GGT7: variants seen among roughly 807,000 people sequenced by gnomAD.
The protein encoded by GGT7 is gamma-glutamyltransferase 7.
GGT7 carries 30 observed loss-of-function variants against 69.2 expected under a neutral mutation model. The observed-to-expected ratio is 0.43, with a 90% CI of 0.32 to 0.59. GGT7 has a LOEUF of 0.59. Ranked by LOEUF, GGT7 falls within the 20% of genes least tolerant of loss-of-function variation. The pLI, the probability that GGT7 is intolerant of heterozygous loss-of-function variation, is 0.05. For synonymous variants in GGT7, 388 were observed against 391.8 expected, an observed-to-expected ratio of 0.99 and a Z score of 0.12; for missense variants, 733 against 901.1, an observed-to-expected ratio of 0.81 and a Z score of 2.39.
Position 34,863,294 on chromosome 20 carries a change from C to T in GGT7, c.405+19G>A. 1 of 1,554,048 alleles carries T rather than the reference C, an allele frequency of 6.4e-7. No homozygotes were observed. The highest frequency in any genetic ancestry group is 8.9e-7 in the Non-Finnish European group (1 of 1,128,706). ...CCCCACTCCCCAGTTTCCTCCCCCT[C>T]CCCATTTGTCCCCCTCACCTGGGGG... On this transcript the variant is annotated intron_variant, in intron 2 of 14. Transcript: ENST00000336431. The surrounding 1 kb of genome is among the most constrained non-coding windows in gnomAD (Gnocchi z 4.4).
chr20:34,862,327 C>G (rs2079610540), intron 3 of GGT7, among the ~76,000 whole-genome samples: 1 of 152,098 alleles, frequency 6.6e-6, no homozygotes, highest in Non-Finnish European at 1.5e-5. Flanking sequence ...TTAACAAAAG[C>G]AAACAAAATT....
At position 34,845,264 on chromosome 20, in the gene GGT7, GAGA is replaced by G. The variant is rs2079283342; in HGVS notation, c.*61_*63del. ...GGGGTCCCCCTGAGACCAAACCTGG[GAGA>G]AGGAGGGACTCTGGGAACATGCAAA... On this transcript the variant is annotated 3_prime_UTR_variant, in exon 15 of 15. Transcript: ENST00000336431. The G allele has an allele frequency of 6.7e-7, 1 of 1,495,068 alleles. No homozygotes were observed. The highest frequency in any genetic ancestry group is 1.4e-5 in the African/African-American group (1 of 72,630). The allele number at this position is 1,495,068 out of a possible 1,614,324, so 92.6% of individuals were successfully genotyped here. A position where few individuals can be genotyped will look rare whatever the true frequency, so the allele number is the denominator to read the frequency against.
chr20:34,859,860 G>A (rs2079559153), intron 6 of GGT7, 109 bp downstream of exon 6: 2 of 887,670 alleles, frequency 2.3e-6, no homozygotes, highest in East Asian at 2.6e-5. Context: ...GAGGGGGTCT[G>A]AGGAGCAAAC....
rs573988568 is a variant in GGT7, at chr20:34,860,948, C to A, written c.675+497G>T. ...GGTGGACAAAGGACCTTCATTTAAC[C>A]TATTCAGTTTCACCCCACCATTACT... On this transcript the variant is annotated intron_variant, in intron 4 of 14. Coordinates refer to ENST00000336431, the MANE Select transcript of GGT7 (RefSeq NM_178026.3). Among the ~76,000 whole-genome samples, 21 of 152,308 alleles carry A rather than the reference C, an allele frequency of 1.4e-4. No individual in the cohort carries two copies. In the East Asian group the frequency reaches 4.0e-3, roughly 29 times the overall value.
chr20:34,862,581 G>GT (rs397974222), intron 3 of GGT7, among the ~76,000 whole-genome samples: 152 of 128,362 alleles, frequency 1.2e-3, no homozygotes, highest in African/African-American at 4.7e-3. Context: ...TCTTTTTCTA[G>GT]TTAAAAAAAA....
At position 34,852,496 on chromosome 20, in the gene GGT7, G is replaced by A. The variant is rs202228985; in HGVS notation, c.1362C>T (p.Ser454=). The A allele has an allele frequency of 5.6e-6, 9 of 1,602,904 alleles. No individual in the cohort carries two copies. The African/African-American group carries it at 1.1e-4, about 19-fold the overall frequency. The change falls in exon 11 of 15, where the codon TCC becomes TCT. Residue 454 remains serine (S), a synonymous_variant. Coordinates refer to ENST00000336431, the MANE Select transcript of GGT7 (RefSeq NM_178026.3). ...AAYLRGHIND[S]QAAPAPLLPV... ...GCAGGAGTGGGGCAGGGGCTGCCTG[G>A]GAGTCATTGATATGGCCCCGGAGGT...
chr20:34,845,127 C>G lies in GGT7; in HGVS notation c.*201G>C. The G allele has an allele frequency of 2.3e-6, 1 of 438,484 alleles. No individual in the cohort carries two copies. Among genetic ancestry groups the G allele is most frequent in the Non-Finnish European group, 4.2e-6 (1 of 237,076 alleles). 27.2% of individuals were successfully genotyped at this position (438,484 alleles called of 1,614,324 possible). ...ATGCTGACACTCACCACCACCACCA[C>G]CACCACCACCACCACCACCACCACC... On this transcript the variant is annotated 3_prime_UTR_variant, in exon 15 of 15. Coordinates refer to ENST00000336431, the MANE Select transcript of GGT7 (RefSeq NM_178026.3).
intron 6 of GGT7, 34 bp from the exon 7 acceptor site, chr20:34,859,673 G>A: frequency 6.6e-7 from 1 of 1,520,240 alleles, no homozygotes; most frequent in Non-Finnish European, 8.9e-7. Flanking sequence ...GGCAGGGCGG[G>A]ACGCCAGGAC....
intron 14 of GGT7, among the ~76,000 whole-genome samples, chr20:34,846,406 C>T (rs938689201): frequency 1.3e-4 from 19 of 151,804 alleles, no homozygotes; most frequent in Admixed American, 9.2e-4. Context: ...CAGGTTCAAG[C>T]GATTCTCCTG....
In GGT7 at chr20:34,863,382, C is replaced by T. The variant is rs754384296; in HGVS notation, c.336G>A (p.Thr112=). Residue 112 remains threonine, a synonymous_variant, in exon 2 of 15, where the codon ACG becomes ACA. Transcript: ENST00000336431. The surrounding 1 kb of genome is among the most constrained non-coding windows in gnomAD (Gnocchi z 4.4). Reference sequence around the variant, plus strand: ...CACCGGTAGCGAAGGTGAGACAGGCCGTGACGATGACCGTGAGCCCATCCT... The same window carrying T: ...CACCGGTAGCGAAGGTGAGACAGGCTGTGACGATGACCGTGAGCCCATCCT... ...CRQDGLTVIV[T]ACLTFATGVT... is the part of the protein sequence containing the mutation. 23 of 1,614,044 alleles carry T rather than the reference C, an allele frequency of 1.4e-5. No homozygotes were observed. The highest frequency in any genetic ancestry group is 1.9e-5 in the Non-Finnish European group (23 of 1,180,040).
chr20:34,855,855 G>A (rs142401126), intron 8 of GGT7, among the ~76,000 whole-genome samples: 156 of 143,516 alleles, frequency 1.1e-3, no homozygotes, highest in Non-Finnish European at 1.9e-3. Flanking sequence ...TAGTGCAGTG[G>A]CACAATCATG....
In GGT7 at chr20:34,872,663, C is replaced by T; in HGVS notation, c.153G>A (p.Leu51=). The change falls in exon 1 of 15, where the codon CTG becomes CTA. Residue 51 remains leucine (L), a synonymous_variant. Coordinates refer to ENST00000336431, the MANE Select transcript of GGT7 (RefSeq NM_178026.3). ...LRGRKDEDAF[L]GDPDTDPDSF... is the part of the protein sequence containing the mutation. ...GGGCCTCACCGGTGTCGGGGTCTCCCAGAAAGGCGTCCTCGTCCTTGCGGC... is the reference window on the plus strand; with the variant it reads ...GGGCCTCACCGGTGTCGGGGTCTCCTAGAAAGGCGTCCTCGTCCTTGCGGC... 6.8e-7 allele frequency: 1 copy of T among 1,480,406 alleles called. No individual in the cohort carries two copies. Among genetic ancestry groups the T allele is most frequent in the Non-Finnish European group, 8.9e-7 (1 of 1,120,652 alleles). The allele number at this position is 1,480,406 out of a possible 1,614,324, so 91.7% of individuals were successfully genotyped here.
chr20:34,869,098 A>G (rs1181195352), intron 1 of GGT7, among the ~76,000 whole-genome samples: 1 of 152,120 alleles, frequency 6.6e-6, no homozygotes, highest in Non-Finnish European at 1.5e-5. Context: ...GCTAGAGGCT[A>G]GGGTCATCCC....
At chr20:34,870,945 C>T (rs977358904) in intron 1 of GGT7, among the ~76,000 whole-genome samples, 1 of 151,060 alleles carries the variant, frequency 6.6e-6, no homozygotes, top group African/African-American at 2.4e-5. Context: ...GCACCCACCA[C>T]CATGCCCAGC....
At chr20:34,865,693 GT>G (rs2079679271) in intron 1 of GGT7, among the ~76,000 whole-genome samples, 1 of 152,188 alleles carries the variant, frequency 6.6e-6, no homozygotes, top group Non-Finnish European at 1.5e-5. Context: ...ATTCCATGAG[GT>G]GATGTGCACC....
Position 34,852,437 on chromosome 20 carries a change from GC to G in GGT7, c.1420del (p.Ala474ProfsTer4), listed in dbSNP as rs1568930955. 6.2e-7 allele frequency: 1 copy of G among 1,613,900 alleles called. No homozygotes were observed. The highest frequency in any genetic ancestry group is 2.2e-5 in the East Asian group (1 of 44,888). On this transcript the variant is annotated frameshift_variant, in exon 11 of 15. Transcript: ENST00000336431. LOFTEE classifies it high-confidence loss of function. ...VYELDGAPTA[A>X]QVLIMGPDDF... ...ATCAGGTCCCATGATCAGCACCTGG[GC>G]AGCCGTGGGAGCTCCGTCTAGTTCA...
chr20:34,846,626 G>A lies in GGT7; in HGVS notation c.1826-1135C>T, dbSNP rs550879371. 3.3e-3 allele frequency among the ~76,000 whole-genome samples: 509 copies of A among 152,040 alleles called. 1 individual carries two copies. Among genetic ancestry groups the A allele is most frequent in the Non-Finnish European group, 5.4e-3 (368 of 67,984 alleles). Reference sequence around the variant, plus strand: ...CGCCTGGCCCCCTGCCTTTCTTATAGCCTGTTCAAACAGCAGCCAAGGGGA... The same window carrying A: ...CGCCTGGCCCCCTGCCTTTCTTATAACCTGTTCAAACAGCAGCCAAGGGGA... On this transcript the variant is annotated intron_variant, in intron 14 of 14. Transcript: ENST00000336431.
chr20:34,851,475 C>T (rs973042171), intron 12 of GGT7, 107 bp from the exon 13 acceptor site: 25 of 1,153,114 alleles, frequency 2.2e-5, no homozygotes, highest in Non-Finnish European at 3.1e-5. Flanking sequence ...ACATCTTCCA[C>T]AGGCCCAGTT....
At position 34,863,061 on chromosome 20, in the gene GGT7, C is replaced by G; in HGVS notation, c.406-96G>C. 1 of 1,230,898 alleles carries G rather than the reference C, an allele frequency of 8.1e-7. No homozygotes were observed. Among genetic ancestry groups the G allele is most frequent in the Non-Finnish European group, 1.1e-6 (1 of 878,686 alleles). 76.2% of individuals were successfully genotyped at this position (1,230,898 alleles called of 1,614,324 possible). ...CTAGAACTCTACGCGGCATGAAGGT[C>G]GAAGCCCTGCCCCCTTGTTGCCTTG... On this transcript the variant is annotated intron_variant, in intron 2 of 14. Transcript: ENST00000336431. This position sits in a 1 kb window ranked among gnomAD's most constrained non-coding sequence, Gnocchi z 4.4.
Sources: allele counts gnomAD v4.1 joint callset (sites outside exome capture counted in the v4.1 genomes callset), GRCh38; gene constraint gnomAD v4.1.1; non-coding constraint Gnocchi (gnomAD v3.1); transcripts MANE v1.5; gene names NCBI Gene and HGNC (gene_info 2026-07-23, HGNC 2026-07-21).